The following CPT1A variants were observed in gnomAD, a reference collection of about 807,000 sequenced individuals.
The protein encoded by CPT1A is carnitine O-palmitoyltransferase 1, liver isoform.
CPT1A carries 64 observed loss-of-function variants against 100.8 expected under a neutral mutation model. That is an observed-to-expected ratio of 0.63 (90% CI 0.52 to 0.78). The LOEUF is 0.78. Ranked by LOEUF, CPT1A falls within the 30% of genes least tolerant of loss-of-function variation. The pLI is 0.00. For synonymous variants in CPT1A, 363 were observed against 396.0 expected (o/e 0.92, Z 0.99); for missense variants, 802 against 1,034.1 (o/e 0.78, Z 3.08).
chr11:68,826,032 C>T (rs921859173), intron 1 of CPT1A, among the ~76,000 whole-genome samples: 2 of 152,166 alleles, frequency 1.3e-5, no homozygotes, highest in Non-Finnish European at 2.9e-5. Context: ...AGAATGGTAA[C>T]CAGATAAAGC....
intron 14 of CPT1A, among the ~76,000 whole-genome samples, chr11:68,772,510 G>T (rs1288936600): frequency 2.4e-4 from 14 of 58,114 alleles, no homozygotes; most frequent in Non-Finnish European, 5.1e-5. Context: ...TCCAACAGGG[G>T]TTGCCAGGTG....
intron 12 of CPT1A, among the ~76,000 whole-genome samples, chr11:68,777,800 A>G (rs1855179975): frequency 6.6e-6 from 1 of 152,192 alleles, no homozygotes; most frequent in South Asian, 2.1e-4. Context: ...GCCAAACAAC[A>G]GCTCTTAGGC....
rs1009487141 is a variant in CPT1A at position 68,775,201 on chromosome 11, G to C, written c.1575+115C>G. The C allele has an allele frequency of 4.7e-6, 4 of 855,090 alleles. No individual in the cohort carries two copies. The African/African-American group carries it at 6.6e-5, about 14-fold the overall frequency. 53.0% of individuals were successfully genotyped at this position (855,090 alleles called of 1,614,324 possible). On this transcript the variant is annotated intron_variant, in intron 13 of 18. Coordinates refer to ENST00000265641, the MANE Select transcript of CPT1A (RefSeq NM_001876.4). The stretch of plus-strand genomic sequence containing the variant: ...GAGCAAACAACTTTCAGCCTCAGTG[G>C]TCTTCAACTGAGCTCATGATAGGGC...
chr11:68,787,980 G>A (rs1178240745), intron 9 of CPT1A, among the ~76,000 whole-genome samples: 3 of 149,440 alleles, frequency 2.0e-5, no homozygotes, highest in East Asian at 2.0e-4. Flanking sequence ...TTTAGGACAC[G>A]CACAGAGGGA....
At chr11:68,782,350 A>G (rs1014877308) in intron 10 of CPT1A, among the ~76,000 whole-genome samples, 5 of 152,182 alleles carry the variant, frequency 3.3e-5, no homozygotes, top group Non-Finnish European at 4.4e-5. Context: ...TAAGTGCGTA[A>G]GAGTGCGTCC....
At chr11:68,793,687 A>G (rs1855681648) in intron 8 of CPT1A, among the ~76,000 whole-genome samples, 1 of 151,036 alleles carries the variant, frequency 6.6e-6, no homozygotes, top group African/African-American at 2.4e-5. Context: ...CAGAGCCTGC[A>G]GTGAGCTGAG....
intron 12 of CPT1A, 30 bp from the exon 13 acceptor site, chr11:68,775,462 C>CT: frequency 6.6e-7 from 1 of 1,506,076 alleles, no homozygotes; most frequent in Non-Finnish European, 9.2e-7. Flanking sequence ...ATTATTAAAA[C>CT]TAACAGTGGT....
intron 3 of CPT1A, among the ~76,000 whole-genome samples, chr11:68,809,123 A>G (rs1474479494): frequency 6.6e-6 from 1 of 152,162 alleles, no homozygotes; most frequent in Non-Finnish European, 1.5e-5. Context: ...TCCAAAATGT[A>G]TATCTTTCTA....
intron 14 of CPT1A, 52 bp downstream of exon 14, chr11:68,773,213 T>A (rs1226145723): frequency 7.5e-6 from 12 of 1,609,808 alleles, no homozygotes; most frequent in Non-Finnish European, 1.0e-5. Flanking sequence ...CTTGGGCAGG[T>A]GTAGGAACCC....
At chr11:68,833,705 G>A (rs1218615868) in intron 1 of CPT1A, among the ~76,000 whole-genome samples, 1 of 151,856 alleles carries the variant, frequency 6.6e-6, no homozygotes, top group Non-Finnish European at 1.5e-5. Flanking sequence ...CCGCACTCCA[G>A]CCTGGGCAAC....
rs577355766 is a variant in CPT1A, at chr11:68,758,366, T to C, written c.2236-636A>G. Among the ~76,000 whole-genome samples the C allele has an allele frequency of 4.6e-5, 7 of 152,320 alleles. No individual in the cohort carries two copies. The South Asian group carries it at 1.5e-3, about 32-fold the overall frequency. ...GACAGTGGCATGGGTTGCCAGGCTA[T>C]GTACGACAAGGAAAGCAGAATATAA... On this transcript the variant is annotated intron_variant, in intron 18 of 18. Coordinates refer to ENST00000265641, the MANE Select transcript of CPT1A (RefSeq NM_001876.4).
In CPT1A at chr11:68,773,444, G is replaced by GA. The variant is rs1855052016; in HGVS notation, c.1576-16dup. 6.2e-7 allele frequency: 1 copy of GA among 1,613,980 alleles called. No individual in the cohort carries two copies. The highest frequency in any genetic ancestry group is 8.5e-7 in the Non-Finnish European group (1 of 1,180,004). Reference sequence around the variant, plus strand: ...ACCTCTTGACACTTGAGAGAAAGAAGAAAAAGGTTTTACGGAACGAGGGGA... The same window carrying GA: ...ACCTCTTGACACTTGAGAGAAAGAAGAAAAAAGGTTTTACGGAACGAGGGGA... On this transcript the variant is annotated splice_polypyrimidine_tract_variant and intron_variant, in intron 13 of 18. Transcript: ENST00000265641.
At chr11:68,811,922 A>G (rs1856222272) in intron 3 of CPT1A, among the ~76,000 whole-genome samples, 1 of 151,146 alleles carries the variant, frequency 6.6e-6, no homozygotes, top group Admixed American at 6.6e-5. Flanking sequence ...CCCCAGGAAA[A>G]TCCAAAACCC....
chr11:68,808,560 TG>T (rs1474895937), intron 3 of CPT1A, among the ~76,000 whole-genome samples: 1 of 151,534 alleles, frequency 6.6e-6, no homozygotes, highest in Non-Finnish European at 1.5e-5. Context: ...TTTGTAGAGA[TG>T]GGGTCTTGCC....
chr11:68,824,874 C>G (rs1012517607), intron 1 of CPT1A, among the ~76,000 whole-genome samples: 1 of 145,884 alleles, frequency 6.9e-6, no homozygotes, highest in South Asian at 2.2e-4. Context: ...TCTAGGCTCA[C>G]GTTAACCTTT....
chr11:68,754,803 T>C, downstream of CPT1A: 1 of 781,054 alleles, frequency 1.3e-6, no homozygotes. Flanking sequence ...ATGCTGAGAC[T>C]TTCCACTTTG....
chr11:68,806,962 A>T (rs1856063872), intron 4 of CPT1A, among the ~76,000 whole-genome samples: 1 of 152,110 alleles, frequency 6.6e-6, no homozygotes, highest in Admixed American at 6.5e-5. Flanking sequence ...ATATAAATAT[A>T]AATAAAAAAG....
chr11:68,809,851 C>T (rs1462013597), intron 3 of CPT1A, among the ~76,000 whole-genome samples: 1 of 152,188 alleles, frequency 6.6e-6, no homozygotes, highest in Non-Finnish European at 1.5e-5. Flanking sequence ...ATATATAATC[C>T]AGTTTTAAGA....
chr11:68,781,742 T>G, intron 11 of CPT1A, 29 bp downstream of exon 11: 1 of 1,609,962 alleles, frequency 6.2e-7, no homozygotes, highest in Non-Finnish European at 8.5e-7. Context: ...ATGGGCAAAC[T>G]CCTGTCTCTC....
Sources: gnomAD v4.1 joint callset for allele counts (sites outside exome capture counted in the v4.1 genomes callset) on GRCh38, gnomAD v4.1.1 for gene constraint, MANE v1.5 for transcripts, NCBI Gene and HGNC (gene_info 2026-07-23, HGNC 2026-07-21) for gene names.